ZZZ3: variants seen among roughly 807,000 people sequenced by gnomAD.
ZZZ3 encodes the protein ZZ-type zinc finger-containing protein 3.
In ZZZ3, 22 loss-of-function variants were observed where a neutral mutation model predicts 95.2. The observed-to-expected ratio is 0.23, with a 90% CI of 0.17 to 0.33. The LOEUF (loss-of-function observed/expected upper bound fraction) is 0.33. Among genes scored for constraint, ZZZ3 ranks in the 10% least tolerant of loss-of-function variants. The probability of loss-of-function intolerance (pLI) is 1.00; values close to 1 mark genes in which losing one functional copy is unlikely to be tolerated. For synonymous variants in ZZZ3, 335 were observed against 358.9 expected, an observed-to-expected ratio of 0.93 and a Z score of 0.75; for missense variants, 885 against 1,066.5, an observed-to-expected ratio of 0.83 and a Z score of 2.37.
intron 5 of ZZZ3, among the ~76,000 whole-genome samples, chr1:77,588,472 T>C (rs952852028): frequency 7.2e-5 from 11 of 152,092 alleles, no homozygotes; most frequent in African/African-American, 2.7e-4. Context: ...AAAATAGACT[T>C]GTTTTATAGA....
chr1:77,668,429 T>A (rs1671442952), intron 1 of ZZZ3, among the ~76,000 whole-genome samples: 1 of 152,184 alleles, frequency 6.6e-6, no homozygotes, highest in Non-Finnish European at 1.5e-5. Context: ...TGTGACAAAC[T>A]TCTCTGAGCC....
chr1:77,623,234 C>G (rs932053483), intron 5 of ZZZ3, among the ~76,000 whole-genome samples: 2 of 152,066 alleles, frequency 1.3e-5, no homozygotes, highest in Non-Finnish European at 2.9e-5. Context: ...AGCAGAGAGA[C>G]AGAAAACAGT....
At chr1:77,634,831 T>C (rs567433599) in intron 4 of ZZZ3, among the ~76,000 whole-genome samples, 79 of 152,318 alleles carry the variant, frequency 5.2e-4, no homozygotes, top group African/African-American at 1.9e-3. Flanking sequence ...TGTTAATATT[T>C]GAAGTCTCTA....
intron 5 of ZZZ3, among the ~76,000 whole-genome samples, chr1:77,593,409 C>T (rs1460490206): frequency 1.3e-5 from 2 of 152,102 alleles, no homozygotes; most frequent in Admixed American, 1.3e-4. Flanking sequence ...ATACAAATAT[C>T]ACAAACATAA....
chr1:77,595,898 G>T (rs992040368), intron 5 of ZZZ3, among the ~76,000 whole-genome samples: 2 of 151,974 alleles, frequency 1.3e-5, no homozygotes, highest in Non-Finnish European at 2.9e-5. Context: ...GCAAAAGAGG[G>T]TATACTGAAA....
rs1442084898 is a variant in ZZZ3, at chr1:77,565,578, AATT to A, written c.*59_*61del. Reference sequence around the variant, plus strand: ...GAGAATCTTTCCAAACTGTGCACATAATTAACAATGATACCATTGCTATGTGTT... The same window carrying A: ...GAGAATCTTTCCAAACTGTGCACATAAACAATGATACCATTGCTATGTGTT... On this transcript the variant is annotated 3_prime_UTR_variant, in exon 15 of 15. Transcript: ENST00000370801. The A allele has an allele frequency of 1.2e-5, 19 of 1,542,188 alleles. No homozygotes were observed. The highest frequency in any genetic ancestry group is 1.3e-5 in the Non-Finnish European group (15 of 1,130,386).
chr1:77,620,851 C>T (rs1242747679), intron 5 of ZZZ3, among the ~76,000 whole-genome samples: 1 of 152,050 alleles, frequency 6.6e-6, no homozygotes, highest in African/African-American at 2.4e-5. Context: ...AGTGGGAACA[C>T]CCAGAGAGAG....
At chr1:77,679,136 G>C (rs1672523990) in intron 1 of ZZZ3, among the ~76,000 whole-genome samples, 1 of 152,130 alleles carries the variant, frequency 6.6e-6, no homozygotes, top group Non-Finnish European at 1.5e-5. Flanking sequence ...TATTTACTGA[G>C]AGTGGTTTTC....
At chr1:77,612,240 A>T (rs918387155) in intron 5 of ZZZ3, among the ~76,000 whole-genome samples, 10 of 152,044 alleles carry the variant, frequency 6.6e-5, no homozygotes, top group African/African-American at 2.4e-4. Context: ...CCACTATATG[A>T]TATAACCTCA....
At chr1:77,681,598 G>A (rs1009677739) in intron 1 of ZZZ3, among the ~76,000 whole-genome samples, 2 of 152,152 alleles carry the variant, frequency 1.3e-5, no homozygotes, top group Non-Finnish European at 2.9e-5. Context: ...AAGTTGACCT[G>A]AGGCCGGGCG....
At chr1:77,675,033 T>C (rs1484976793) in intron 1 of ZZZ3, among the ~76,000 whole-genome samples, 3 of 150,608 alleles carry the variant, frequency 2.0e-5, no homozygotes, top group Non-Finnish European at 2.9e-5. Flanking sequence ...GTAAGAATCA[T>C]AGGTTTGGGG....
chr1:77,659,229 T>C (rs1039076210), intron 1 of ZZZ3, among the ~76,000 whole-genome samples: 1 of 152,106 alleles, frequency 6.6e-6, no homozygotes, highest in Non-Finnish European at 1.5e-5. Flanking sequence ...GAAGACTTAA[T>C]AGGCTTTACT....
chr1:77,669,010 C>CAA (rs77072107), intron 1 of ZZZ3, among the ~76,000 whole-genome samples: 8 of 123,216 alleles, frequency 6.5e-5, no homozygotes, highest in Non-Finnish European at 3.5e-5. Flanking sequence ...TTTTGTGTTA[C>CAA]AAAAAAAAAA....
At chr1:77,663,590 T>TC (rs1671003180) in intron 1 of ZZZ3, among the ~76,000 whole-genome samples, 1 of 152,210 alleles carries the variant, frequency 6.6e-6, no homozygotes, top group African/African-American at 2.4e-5. Context: ...TGTAAATGTG[T>TC]CCTAACCAAC....
intron 6 of ZZZ3, among the ~76,000 whole-genome samples, chr1:77,583,140 C>G (rs1380346434): frequency 6.6e-6 from 1 of 151,594 alleles, no homozygotes; most frequent in Admixed American, 6.6e-5. Context: ...AATGAAAGTC[C>G]GTTCTAAACT....
At chr1:77,661,290 G>A (rs1046861196) in intron 1 of ZZZ3, among the ~76,000 whole-genome samples, 1 of 152,114 alleles carries the variant, frequency 6.6e-6, no homozygotes, top group South Asian at 2.1e-4. Context: ...TCGGGTAACT[G>A]TAATACCTGC....
intron 5 of ZZZ3, among the ~76,000 whole-genome samples, chr1:77,617,366 T>C (rs1207445356): frequency 1.3e-5 from 2 of 152,212 alleles, no homozygotes; most frequent in Non-Finnish European, 2.9e-5. Context: ...TCTTCTGGAT[T>C]ATTTCATATA....
chr1:77,663,116 T>C (rs575357845), intron 1 of ZZZ3, among the ~76,000 whole-genome samples: 1 of 150,686 alleles, frequency 6.6e-6, no homozygotes, highest in African/African-American at 2.4e-5. Context: ...AAAAAAAAAT[T>C]AATAAAAAAA....
intron 13 of ZZZ3, among the ~76,000 whole-genome samples, chr1:77,567,426 T>A (rs369160487): frequency 6.6e-6 from 1 of 152,182 alleles, no homozygotes; most frequent in African/African-American, 2.4e-5. Context: ...TTCCTAAAGA[T>A]CATCACCCCC....
Sources: allele counts gnomAD v4.1 joint callset (sites outside exome capture counted in the v4.1 genomes callset), GRCh38; gene constraint gnomAD v4.1.1; transcripts MANE v1.5; gene names NCBI Gene and HGNC (gene_info 2026-07-23, HGNC 2026-07-21).